KLF12: variants seen among roughly 807,000 people sequenced by gnomAD.
KLF12 encodes KLF transcription factor 12.
Under a neutral mutation model 37.8 loss-of-function variants are expected in KLF12, and 9 were observed. That is an observed-to-expected ratio of 0.24 (90% CI 0.14 to 0.42). The LOEUF (loss-of-function observed/expected upper bound fraction) is 0.42. Ranked by LOEUF, KLF12 falls within the 10% of genes least tolerant of loss-of-function variation. The pLI is 1.00. For missense variants in KLF12, 411 were observed against 516.0 expected (o/e 0.80, Z 1.97); for synonymous variants, 208 against 202.1 (o/e 1.03, Z -0.25).
intron 2 of KLF12, among the ~76,000 whole-genome samples, chr13:73,966,102 A>G (rs1891164858): frequency 6.6e-6 from 1 of 152,242 alleles, no homozygotes; most frequent in Non-Finnish European, 1.5e-5. Flanking sequence ...CTTGGAAGCA[A>G]GCTAACTGCC....
chr13:73,951,635 G>T lies in KLF12; in HGVS notation c.34-7565C>A, dbSNP rs80148538. Among the ~76,000 whole-genome samples, 894 of 152,294 alleles carry T rather than the reference G, an allele frequency of 5.9e-3. 40 individuals carry two copies. The East Asian group carries it at 0.11, about 19-fold the overall frequency. On this transcript the variant is annotated intron_variant, in intron 2 of 7. Transcript: ENST00000377669. ...GGAAGCAGCAAGGCAAAGGCAAACT[G>T]ATCCCATATACAATGGAGAGGAGAG...
chr13:74,293,170 G>A, the KLF12 span, among the ~76,000 whole-genome samples: 2 of 152,170 alleles, frequency 1.3e-5, no homozygotes, highest in Non-Finnish European at 1.5e-5. Flanking sequence ...TTAAGACAAT[G>A]AGAATACACA....
the KLF12 span, among the ~76,000 whole-genome samples, chr13:74,215,294 C>A: frequency 1.3e-5 from 2 of 151,758 alleles, no homozygotes; most frequent in African/African-American, 4.8e-5. Flanking sequence ...CTTCTATTAA[C>A]TTTTTAATTT....
the KLF12 span, among the ~76,000 whole-genome samples, chr13:74,284,273 C>A: frequency 1.3e-5 from 2 of 152,094 alleles, no homozygotes; most frequent in Non-Finnish European, 2.9e-5. Flanking sequence ...CTGACCCAGG[C>A]CTTTTAATCT....
At chr13:73,918,171 G>A (rs79904235) in intron 3 of KLF12, among the ~76,000 whole-genome samples, 2,259 of 152,128 alleles carry the variant, frequency 0.015, 56 homozygotes, top group African/African-American at 0.049. Flanking sequence ...ACAAAACTAA[G>A]TGAAAAGAAC....
chr13:73,812,347 C>T (rs1296765718), intron 5 of KLF12, among the ~76,000 whole-genome samples: 1 of 150,320 alleles, frequency 6.7e-6, no homozygotes, highest in East Asian at 2.0e-4. Context: ...GTACTGTATA[C>T]CTGAAATTTT....
chr13:74,078,102 C>T (rs1874668438), intron 1 of KLF12, among the ~76,000 whole-genome samples: 1 of 152,132 alleles, frequency 6.6e-6, no homozygotes, highest in Admixed American at 6.5e-5. Flanking sequence ...ACAAGAGTCC[C>T]AGCCAGCCAA....
intron 1 of KLF12, among the ~76,000 whole-genome samples, chr13:74,036,123 C>A (rs909509022): frequency 6.6e-6 from 1 of 152,156 alleles, no homozygotes; most frequent in African/African-American, 2.4e-5. Flanking sequence ...TCCTTGTGAA[C>A]CATCTGACAC....
the KLF12 span, among the ~76,000 whole-genome samples, chr13:74,245,620 G>T: frequency 6.6e-6 from 1 of 152,038 alleles, no homozygotes; most frequent in Non-Finnish European, 1.5e-5. Flanking sequence ...TGAGAACCTT[G>T]TTTTATTTTC....
At chr13:73,959,588 A>G (rs948873569) in intron 2 of KLF12, among the ~76,000 whole-genome samples, 10 of 151,528 alleles carry the variant, frequency 6.6e-5, no homozygotes, top group Admixed American at 2.0e-4. Flanking sequence ...ATAGCAGTTA[A>G]AAGTATTATA....
At chr13:73,887,278 G>T (rs138849964) in intron 3 of KLF12, among the ~76,000 whole-genome samples, 2,551 of 152,232 alleles carry the variant, frequency 0.017, 28 homozygotes, top group Middle Eastern at 0.031. Flanking sequence ...AGATGATATG[G>T]TTTAGATATT....
chr13:74,134,989 G>A (rs1038476576), upstream of KLF12, among the ~76,000 whole-genome samples: 1 of 151,560 alleles, frequency 6.6e-6, no homozygotes, highest in Non-Finnish European at 1.5e-5. Flanking sequence ...TGGGCGCCGG[G>A]CATCGCCCGC....
intron 1 of KLF12, among the ~76,000 whole-genome samples, chr13:74,004,562 G>A (rs1215324153): frequency 6.6e-6 from 1 of 152,050 alleles, no homozygotes; most frequent in Non-Finnish European, 1.5e-5. Flanking sequence ...ACAACAGTGT[G>A]GTATCTTTTT....
intron 4 of KLF12, among the ~76,000 whole-genome samples, chr13:73,816,449 G>A (rs59877880): frequency 0.019 from 2,895 of 152,312 alleles, 89 homozygotes; most frequent in African/African-American, 0.065. Flanking sequence ...CTCACTGCTG[G>A]TAGAGGTGTC....
Position 73,890,728 on chromosome 13 carries a change from AT to A in KLF12, c.124-44356del, listed in dbSNP as rs1203705984. On this transcript the variant is annotated intron_variant, in intron 3 of 7. Coordinates refer to ENST00000377669, the MANE Select transcript of KLF12 (RefSeq NM_007249.5). ...AAAGAGATAAGTTTAAAAAAAAAAA[AT>A]AAAAGATTCCAGTCAATCTGAGTCT... Among the ~76,000 whole-genome samples the A allele has an allele frequency of 7.9e-5, 12 of 152,118 alleles. No homozygotes were observed. In the East Asian group the frequency reaches 2.1e-3, roughly 27 times the overall value.
Position 73,738,048 on chromosome 13 carries a change from T to C in KLF12, c.870-22523A>G, listed in dbSNP as rs181738383. ...ACACACACACACACACACACACACA[T>C]ACGTGTGTATATATATATATACACA... On this transcript the variant is annotated intron_variant, in intron 6 of 7. Coordinates refer to ENST00000377669, the MANE Select transcript of KLF12 (RefSeq NM_007249.5). 1.9e-3 allele frequency among the ~76,000 whole-genome samples: 273 copies of C among 143,508 alleles called. 3 individuals are homozygous for C. The highest frequency in any genetic ancestry group is 0.011 in the Middle Eastern group (3 of 276). 94.1% of individuals were successfully genotyped at this position (143,508 alleles called of 152,430 possible). A position where few individuals can be genotyped will look rare whatever the true frequency, so the allele number is the denominator to read the frequency against.
At chr13:74,098,979 A>G (rs1335965417) in intron 1 of KLF12, among the ~76,000 whole-genome samples, 6 of 152,170 alleles carry the variant, frequency 3.9e-5, no homozygotes, top group African/African-American at 1.2e-4. Flanking sequence ...TTGTAAGGTT[A>G]GAAGGAGCTA....
intron 3 of KLF12, among the ~76,000 whole-genome samples, chr13:73,886,473 A>AG (rs1050467013): frequency 4.4e-4 from 67 of 152,058 alleles, no homozygotes; most frequent in African/African-American, 1.4e-3. Flanking sequence ...ATGGAAAAAT[A>AG]GGGGGGTAGG....
chr13:73,887,484 C>T lies in KLF12; in HGVS notation c.124-41111G>A, dbSNP rs116735187. Among the ~76,000 whole-genome samples the T allele has an allele frequency of 7.6e-3, 1,159 of 152,194 alleles. 16 individuals carry two copies. Among genetic ancestry groups the T allele is most frequent in the African/African-American group, 0.026 (1,096 of 41,542 alleles). On this transcript the variant is annotated intron_variant, in intron 3 of 7. Coordinates refer to ENST00000377669, the MANE Select transcript of KLF12 (RefSeq NM_007249.5). ...CCCTTCCTCCTCTCTCTTGCTCCTG[C>T]TCACCCCATGTTAAACGGCTACTTC...
Sources: gnomAD v4.1 joint callset for allele counts (sites outside exome capture counted in the v4.1 genomes callset) on GRCh38, gnomAD v4.1.1 for gene constraint, MANE v1.5 for transcripts, NCBI Gene and HGNC (gene_info 2026-07-23, HGNC 2026-07-21) for gene names.